Variants in ARPP21 observed in about 807,000 individuals in gnomAD.
ARPP21 encodes cAMP-regulated phosphoprotein 21.
ARPP21 carries 69 observed loss-of-function variants against 113.2 expected under a neutral mutation model. The ratio of observed to expected loss-of-function variants is 0.61; its 90% CI spans 0.50 to 0.74. The LOEUF is 0.74. ARPP21 is among the 30% of genes least tolerant of loss of function. The pLI is 0.00. For missense variants in ARPP21, 1,070 were observed against 1,037.4 expected, an observed-to-expected ratio of 1.03 and a Z score of -0.43; for synonymous variants, 368 against 375.5, an observed-to-expected ratio of 0.98 and a Z score of 0.23.
intron 6 of ARPP21, 74 bp downstream of exon 6, chr3:35,687,957 A>T: frequency 7.2e-7 from 1 of 1,389,410 alleles, no homozygotes; most frequent in Non-Finnish European, 9.8e-7. Context: ...TCTAGATTTC[A>T]CATGCATATT....
Position 35,793,737 on chromosome 3 carries a change from C to A in ARPP21, c.2323C>A (p.Gln775Lys), listed in dbSNP as rs765752619. Residue 775 changes from glutamine (Q) to lysine (K), a missense_variant, in exon 21 of 21, where the codon CAG (glutamine) becomes AAG (lysine). By Grantham distance (53) the Gln-to-Lys change is moderately conservative (BLOSUM62 1). Transcript: ENST00000684406. ...MTQGSQGLPQQSYQQPIMLPN... is the reference protein window; with the variant it reads ...MTQGSQGLPQKSYQQPIMLPN... ...CCAGGGTTCTCAAGGACTGCCCCAG[C>A]AGTCATACCAACAGCCAATCATGCT... 18 of 1,613,678 alleles carry A rather than the reference C, an allele frequency of 1.1e-5. No individual in the cohort carries two copies. The highest frequency in any genetic ancestry group is 1.4e-5 in the Non-Finnish European group (17 of 1,179,580).
intron 15 of ARPP21, among the ~76,000 whole-genome samples, chr3:35,733,177 T>G (rs1199741167): frequency 6.6e-6 from 1 of 151,702 alleles, no homozygotes; most frequent in Non-Finnish European, 1.5e-5. Flanking sequence ...GTGAGGAGGG[T>G]CCATGCTTAT....
intron 19 of ARPP21, among the ~76,000 whole-genome samples, chr3:35,755,157 T>C (rs549014889): frequency 1.3e-5 from 2 of 152,172 alleles, no homozygotes; most frequent in African/African-American, 4.8e-5. Flanking sequence ...CTCTCCCTTT[T>C]ACTTTTCTCC....
In ARPP21 at chr3:35,683,807, C is replaced by A; in HGVS notation, c.253C>A (p.Gln85Lys). The A allele has an allele frequency of 6.8e-7, 1 of 1,462,510 alleles. No individual in the cohort carries two copies. The highest frequency in any genetic ancestry group is 9.6e-7 in the Non-Finnish European group (1 of 1,043,852). 90.6% of individuals were successfully genotyped at this position (1,462,510 alleles called of 1,614,324 possible). A position where few individuals can be genotyped will look rare whatever the true frequency, so the allele number is the denominator to read the frequency against. The part of the protein sequence containing the change: ...SSARPGGESL[Q>K]DQESIHLQLS... ...TGCCAGACCAGGAGGTGAAAGTCTT[C>A]AGGATCAGGTATATCCCCTTGCCAT... The change falls in exon 5 of 21, where the codon CAG (glutamine) becomes AAG (lysine). Residue 85 changes from glutamine (Q) to lysine (K), a missense_variant. Gln to Lys is a moderately conservative substitution (Grantham distance 53, BLOSUM62 1). Coordinates refer to ENST00000684406, the MANE Select transcript of ARPP21 (RefSeq NM_001385562.1).
At chr3:35,678,081 C>T (rs948412634) in intron 1 of ARPP21, among the ~76,000 whole-genome samples, 2 of 151,936 alleles carry the variant, frequency 1.3e-5, no homozygotes, top group African/African-American at 4.8e-5. Context: ...CACATATATC[C>T]AGGCTGTCCC....
chr3:35,729,849 G>C (rs1205272681), intron 15 of ARPP21, among the ~76,000 whole-genome samples: 3 of 152,168 alleles, frequency 2.0e-5, no homozygotes, highest in Non-Finnish European at 4.4e-5. Context: ...GAGAGAAAAT[G>C]GTGTGATGAG....
rs571878185 is a variant in ARPP21 at position 35,764,881 on chromosome 3, T to C, written c.2137+20916T>C. Among the ~76,000 whole-genome samples, 6 of 152,172 alleles carry C rather than the reference T, an allele frequency of 3.9e-5. No individual in the cohort carries two copies. The East Asian group carries it at 5.8e-4, about 15-fold the overall frequency. The stretch of plus-strand genomic sequence containing the variant: ...AATATAGAGGAATTTTACATTCTTA[T>C]TGAGTGTGGCAAGCAGTTTAACATT... On this transcript the variant is annotated intron_variant, in intron 19 of 20. Transcript: ENST00000684406.
chr3:35,745,888 A>T (rs915462690), intron 19 of ARPP21, among the ~76,000 whole-genome samples: 1 of 152,114 alleles, frequency 6.6e-6, no homozygotes, highest in Non-Finnish European at 1.5e-5. Context: ...ACATTCTCCC[A>T]CATCACCGCA....
intron 14 of ARPP21, among the ~76,000 whole-genome samples, chr3:35,728,288 G>A (rs1248156375): frequency 4.1e-4 from 56 of 137,914 alleles, no homozygotes; most frequent in African/African-American, 1.4e-3. Flanking sequence ...GTGCAATCTC[G>A]GCTCACTGCA....
At chr3:35,683,573 T>C (rs1369961702) in intron 4 of ARPP21, among the ~76,000 whole-genome samples, 153 bp from the exon 5 acceptor site, 1 of 151,776 alleles carries the variant, frequency 6.6e-6, no homozygotes, top group Non-Finnish European at 1.5e-5. Flanking sequence ...TTTGAGCCAA[T>C]GTAGACAGTA....
At chr3:35,667,963 GAAGAAGAA>G (rs2075103641) in intron 1 of ARPP21, among the ~76,000 whole-genome samples, 2 of 84,298 alleles carry the variant, frequency 2.4e-5, no homozygotes, top group African/African-American at 9.3e-5. Flanking sequence ...AGAAGAAGAA[GAAGAAGAA>G]GAAGAAGAAG....
chr3:35,647,902 A>G (rs1398840333), intron 1 of ARPP21, among the ~76,000 whole-genome samples: 1 of 152,232 alleles, frequency 6.6e-6, no homozygotes, highest in African/African-American at 2.4e-5. Flanking sequence ...GGATCAAAGC[A>G]GAAACAAAGC....
intron 18 of ARPP21, 99 bp from the exon 19 acceptor site, chr3:35,743,740 A>C (rs2094829671): frequency 7.4e-7 from 1 of 1,352,474 alleles, no homozygotes; most frequent in African/African-American, 1.4e-5. Context: ...GGCCATCTTC[A>C]CAACCTACCA....
chr3:35,762,703 A>C (rs1313103920), intron 19 of ARPP21, among the ~76,000 whole-genome samples: 1 of 152,148 alleles, frequency 6.6e-6, no homozygotes, highest in African/African-American at 2.4e-5. Flanking sequence ...AAGTATTAGT[A>C]AAAATGGTTC....
intron 1 of ARPP21, among the ~76,000 whole-genome samples, chr3:35,665,808 C>T (rs1322001552): frequency 6.6e-6 from 1 of 152,142 alleles, no homozygotes; most frequent in African/African-American, 2.4e-5. Flanking sequence ...GGCTGTACTC[C>T]AGTCATCGTT....
At chr3:35,694,681 CT>C (rs1444437015) in intron 9 of ARPP21, among the ~76,000 whole-genome samples, 1 of 150,960 alleles carries the variant, frequency 6.6e-6, no homozygotes, top group East Asian at 2.0e-4. Context: ...TGAGCAGAGC[CT>C]TCAAGAAGAG....
intron 19 of ARPP21, among the ~76,000 whole-genome samples, chr3:35,757,037 A>G (rs900431448): frequency 1.3e-5 from 2 of 151,400 alleles, no homozygotes; most frequent in African/African-American, 4.9e-5. Context: ...ATTATGATAC[A>G]GAGTTCAGAG....
chr3:35,663,352 A>G (rs1708684754), intron 1 of ARPP21, among the ~76,000 whole-genome samples: 2 of 152,198 alleles, frequency 1.3e-5, no homozygotes, highest in African/African-American at 4.8e-5. Context: ...TACAAATCAG[A>G]GTCTCTCCCA....
chr3:35,682,152 G>C (rs1001422353), intron 3 of ARPP21, among the ~76,000 whole-genome samples: 2 of 151,794 alleles, frequency 1.3e-5, no homozygotes, highest in African/African-American at 2.4e-5. Flanking sequence ...AACACCTCAA[G>C]GTGTACATAG....
Sources: allele counts gnomAD v4.1 joint callset (sites outside exome capture counted in the v4.1 genomes callset), GRCh38; gene constraint gnomAD v4.1.1; transcripts MANE v1.5; gene names NCBI Gene and HGNC (gene_info 2026-07-23, HGNC 2026-07-21).